Variants in FBF1 observed in about 807,000 individuals in gnomAD.
FBF1 encodes the protein fas-binding factor 1.
In FBF1, 119 loss-of-function variants were observed where a neutral mutation model predicts 147.2. The ratio of observed to expected loss-of-function variants is 0.81; its 90% CI spans 0.70 to 0.94. The LOEUF is 0.94. Ranked by LOEUF, FBF1 falls within the 40% of genes least tolerant of loss-of-function variation. The pLI is 0.00. For synonymous variants in FBF1, 601 were observed against 609.0 expected, an observed-to-expected ratio of 0.99 and a Z score of 0.19; for missense variants, 1,449 against 1,500.8, an observed-to-expected ratio of 0.97 and a Z score of 0.57.
intron 15 of FBF1, 35 bp downstream of exon 15, chr17:75,921,910 C>A: frequency 6.6e-7 from 1 of 1,514,468 alleles, no homozygotes; most frequent in Non-Finnish European, 9.0e-7. Context: ...GCCCACCATG[C>A]TCTCATTCCC....
At chr17:75,920,454 T>C (rs372690278) in intron 17 of FBF1, 25 bp from the exon 18 acceptor site, 1 of 1,586,002 alleles carries the variant, frequency 6.3e-7, no homozygotes, top group Non-Finnish European at 8.6e-7. Flanking sequence ...GAGAGGTGTT[T>C]CTAGTTAGGG....
At chr17:75,940,232 C>A (rs2065653872) in intron 1 of FBF1, among the ~76,000 whole-genome samples, 1 of 149,554 alleles carries the variant, frequency 6.7e-6, no homozygotes, top group African/African-American at 2.5e-5. Context: ...TGAGCCACCA[C>A]GCCTGGCCTT....
At chr17:75,915,191 G>T in intron 23 of FBF1, 52 bp from the exon 24 acceptor site, 5 of 1,561,756 alleles carry the variant, frequency 3.2e-6, no homozygotes, top group Non-Finnish European at 4.3e-6. Flanking sequence ...TGAGGATCAC[G>T]CCTGGCCACT....
chr17:75,937,469 C>G, intron 3 of FBF1, 97 bp downstream of exon 3: 1 of 1,478,492 alleles, frequency 6.8e-7, no homozygotes, highest in South Asian at 1.2e-5. Context: ...CGTGCCCGGC[C>G]CAAAAACATT....
At position 75,920,397 on chromosome 17, in the gene FBF1, C is replaced by T. The variant is rs1340764605; in HGVS notation, c.1707G>A (p.Leu569=). 4 of 1,607,162 alleles carry T rather than the reference C, an allele frequency of 2.5e-6. No homozygotes were observed. Among genetic ancestry groups the T allele is most frequent in the Non-Finnish European group, 3.4e-6 (4 of 1,177,290 alleles). The change falls in exon 18 of 30, where the codon CTG becomes CTA. Residue 569 remains leucine (L), a synonymous_variant. Coordinates refer to ENST00000636174, the MANE Select transcript of FBF1 (RefSeq NM_001319193.2). ...PLLPESLARS[L]LPSTEYQKQL... is the part of the protein sequence containing the mutation. ...GCTTCTGGTATTCTGTGCTCGGCAG[C>T]AGGCTCCGGGCCAGGGACTCTGGGA...
At chr17:75,914,424 G>A in intron 25 of FBF1, 126 bp from the exon 26 acceptor site, 1 of 1,398,950 alleles carries the variant, frequency 7.1e-7, no homozygotes, top group Non-Finnish European at 9.5e-7. Context: ...GGGCTTCCAG[G>A]GAGAGCCAGA....
intron 2 of FBF1, 92 bp downstream of exon 2, chr17:75,938,054 GC>G (rs1567865331): frequency 1.9e-6 from 3 of 1,564,692 alleles, no homozygotes; most frequent in South Asian, 2.3e-5. Flanking sequence ...TTGCCGCCCA[GC>G]CCCCAGAGTG....
At position 75,915,238 on chromosome 17, in the gene FBF1, C is replaced by A. The variant is rs1041186786; in HGVS notation, c.2506-99G>T. 1.8e-5 allele frequency: 26 copies of A among 1,453,676 alleles called. No individual in the cohort carries two copies. In the Admixed American group the frequency reaches 2.8e-4, roughly 16 times the overall value. 90.0% of individuals were successfully genotyped at this position (1,453,676 alleles called of 1,614,324 possible). ...TGCATGAACCCACCAGTGTCTCCCA[C>A]ACTATGCCACTGACACGTCCTTCCC... On this transcript the variant is annotated intron_variant, in intron 23 of 29. Coordinates refer to ENST00000636174, the MANE Select transcript of FBF1 (RefSeq NM_001319193.2).
chr17:75,915,221 C>T, intron 23 of FBF1, 82 bp from the exon 24 acceptor site: 1 of 1,504,744 alleles, frequency 6.6e-7, no homozygotes. Flanking sequence ...GCTGCATGAA[C>T]CCACCAGTGT....
At chr17:75,937,506 G>C (rs1478439193) in intron 3 of FBF1, 60 bp downstream of exon 3, 4 of 1,587,016 alleles carry the variant, frequency 2.5e-6, no homozygotes, top group Admixed American at 1.7e-5. Context: ...ATTGTTCCAG[G>C]ACCAAAGGGG....
At position 75,921,377 on chromosome 17, in the gene FBF1, G is replaced by A. The variant is rs1321194078; in HGVS notation, c.1616-75C>T. 163 of 1,549,150 alleles carry A rather than the reference G, an allele frequency of 1.1e-4. No homozygotes were observed. The South Asian group carries it at 1.8e-3, about 17-fold the overall frequency. ...CTGCGAGTGTCCAGGAGGGGCTGGTGTAACTCATGTCCCAGGGACCCCAAA... is the reference window on the plus strand; with the variant it reads ...CTGCGAGTGTCCAGGAGGGGCTGGTATAACTCATGTCCCAGGGACCCCAAA... On this transcript the variant is annotated intron_variant, in intron 16 of 29. Coordinates refer to ENST00000636174, the MANE Select transcript of FBF1 (RefSeq NM_001319193.2).
rs1599478624 is a variant in FBF1 at position 75,910,967 on chromosome 17, T to C, written c.3364-161A>G. Among the ~76,000 whole-genome samples the C allele has an allele frequency of 6.6e-6, 1 of 152,174 alleles. No individual in the cohort carries two copies. Among genetic ancestry groups the C allele is most frequent in the Non-Finnish European group, 1.5e-5 (1 of 68,026 alleles). On this transcript the variant is annotated intron_variant, in intron 29 of 29. Coordinates refer to ENST00000636174, the MANE Select transcript of FBF1 (RefSeq NM_001319193.2). This position sits in a 1 kb window ranked among gnomAD's most constrained non-coding sequence, Gnocchi z 4.1. Reference sequence around the variant, plus strand: ...CAGGGGCCATGAAAGAGCCCAGGTATGGAGTGAGACAGACCACAGTCTCAA... The same window carrying C: ...CAGGGGCCATGAAAGAGCCCAGGTACGGAGTGAGACAGACCACAGTCTCAA...
intron 7 of FBF1, 52 bp downstream of exon 7, chr17:75,929,945 A>AGGGGGGGCCCCCCCCC: frequency 1.5e-6 from 1 of 650,898 alleles, no homozygotes. Flanking sequence ...AAATATCATG[A>AGGGGGGGCCCCCCCCC]CCCCACCCCA....
intron 29 of FBF1, 74 bp downstream of exon 29, chr17:75,912,118 T>G: frequency 7.0e-7 from 1 of 1,422,024 alleles, no homozygotes. Flanking sequence ...GGCTACCATG[T>G]GCTCCTCCCT....
intron 6 of FBF1, among the ~76,000 whole-genome samples, chr17:75,930,936 AC>A (rs1411794206): frequency 1.3e-5 from 2 of 151,976 alleles, no homozygotes; most frequent in Admixed American, 1.3e-4. Flanking sequence ...AAAAACAACA[AC>A]AACAAAAATT....
At chr17:75,929,136 G>C (rs2065579721) in intron 7 of FBF1, among the ~76,000 whole-genome samples, 1 of 152,062 alleles carries the variant, frequency 6.6e-6, no homozygotes, top group South Asian at 2.1e-4. Flanking sequence ...GATTACAGGT[G>C]CCTGGCCTTT....
chr17:75,927,621 G>C, intron 8 of FBF1, 89 bp from the exon 9 acceptor site: 1 of 1,159,156 alleles, frequency 8.6e-7, no homozygotes, highest in Non-Finnish European at 1.3e-6. Context: ...CCCTGGGATG[G>C]GGTGCACTTC....
At position 75,915,067 on chromosome 17, in the gene FBF1, C is replaced by T; in HGVS notation, c.2578G>A (p.Val860Ile). The change falls in exon 24 of 30, where the codon GTC becomes ATC. Residue 860 changes from valine to isoleucine, a missense_variant. Val to Ile is a conservative substitution (Grantham distance 29). Coordinates refer to ENST00000636174, the MANE Select transcript of FBF1 (RefSeq NM_001319193.2). ...MQRALEEQRK[V>I]TAQQMAMERA... ...TCCATGGCCATCTGCTGGGCCGTGA[C>T]CTTCCTTTGCTCCTCTAGGGCGCGC... The T allele has an allele frequency of 1.2e-6, 2 of 1,613,520 alleles. No homozygotes were observed. Among genetic ancestry groups the T allele is most frequent in the Non-Finnish European group, 1.7e-6 (2 of 1,179,878 alleles).
At chr17:75,929,947 CCCACCCCA>C in intron 7 of FBF1, 42 bp downstream of exon 7, 3 of 382,494 alleles carry the variant, frequency 7.8e-6, no homozygotes, top group Non-Finnish European at 1.6e-5. Flanking sequence ...ATATCATGAC[CCCACCCCA>C]CCCACCCCCA....
Sources: allele counts gnomAD v4.1 joint callset (sites outside exome capture counted in the v4.1 genomes callset), GRCh38; gene constraint gnomAD v4.1.1; non-coding constraint Gnocchi (gnomAD v3.1); transcripts MANE v1.5; gene names NCBI Gene and HGNC (gene_info 2026-07-23, HGNC 2026-07-21).